MORN4: variants seen among roughly 807,000 people sequenced by gnomAD.
The protein encoded by MORN4 is MORN repeat-containing protein 4.
MORN4 carries 8 observed loss-of-function variants against 16.4 expected under a neutral mutation model. That is an observed-to-expected ratio of 0.49 (90% CI 0.29 to 0.88). The LOEUF is 0.88. Ranked by LOEUF, MORN4 falls within the 40% of genes least tolerant of loss-of-function variation. MORN4 has a pLI of 0.09. For synonymous variants in MORN4, 53 were observed against 68.9 expected (o/e 0.77, Z 1.14); for missense variants, 159 against 182.9 (o/e 0.87, Z 0.75).
At chr10:97,619,204 A>C (rs991216333) in intron 2 of MORN4, among the ~76,000 whole-genome samples, 1 of 152,284 alleles carries the variant, frequency 6.6e-6, no homozygotes, top group African/African-American at 2.4e-5. Flanking sequence ...AGGCGCCTGT[A>C]ATCCCAGCTA....
upstream of MORN4, chr10:97,633,548 C>T (rs2041416468): frequency 7.8e-7 from 1 of 1,289,886 alleles, no homozygotes; most frequent in Non-Finnish European, 1.0e-6. This position sits in a 1 kb window ranked among gnomAD's most constrained non-coding sequence, Gnocchi z 4.5. Context: ...CAACCGGGAG[C>T]AACGCCACTC....
At chr10:97,620,488 C>CAAAAAAAAAAAAAAA (rs1210683127) in intron 1 of MORN4, among the ~76,000 whole-genome samples, 2 of 41,190 alleles carry the variant, frequency 4.9e-5, no homozygotes, top group African/African-American at 2.0e-4. Context: ...GACTCTGTCT[C>CAAAAAAAAAAAAAAA]AAAAAAAAAA....
At chr10:97,629,646 G>A (rs371948948) in intron 1 of MORN4, among the ~76,000 whole-genome samples, 21 of 152,262 alleles carry the variant, frequency 1.4e-4, no homozygotes, top group African/African-American at 5.1e-4. Flanking sequence ...CTCAGCCATT[G>A]AGCCTGCATT....
intron 1 of MORN4, among the ~76,000 whole-genome samples, chr10:97,623,616 C>T (rs1047934013): frequency 6.6e-6 from 1 of 152,148 alleles, no homozygotes; most frequent in African/African-American, 2.4e-5. Context: ...TTATGTTACC[C>T]AGGCTGGACT....
chr10:97,617,337 G>A lies in MORN4; in HGVS notation c.68-15C>T. On this transcript the variant is annotated splice_polypyrimidine_tract_variant and intron_variant, in intron 2 of 4. Transcript: ENST00000307450. ...ATGCCTGCGGCCTGAACAAAGAGAA[G>A]GATAGGTGTCAGGTTGGAAGGAGGC... 6.2e-7 allele frequency: 1 copy of A among 1,610,570 alleles called. No individual in the cohort carries two copies. Among genetic ancestry groups the A allele is most frequent in the African/African-American group, 1.3e-5 (1 of 74,952 alleles).
chr10:97,621,128 A>G (rs1223193037), intron 1 of MORN4, among the ~76,000 whole-genome samples: 7 of 76,492 alleles, frequency 9.2e-5, no homozygotes, highest in African/African-American at 1.9e-4. Flanking sequence ...CTCGAGAAAT[A>G]AATAAATAAA....
intron 1 of MORN4, among the ~76,000 whole-genome samples, chr10:97,632,711 T>TTTA (rs1379635327): frequency 2.0e-5 from 3 of 151,940 alleles, no homozygotes; most frequent in Non-Finnish European, 4.4e-5. Flanking sequence ...AGATTTTTTT[T>TTTA]TTTTTTTATT....
rs1564769689 is a variant in MORN4 at position 97,633,406 on chromosome 10, C to T, written c.-90G>A. On this transcript the variant is annotated 5_prime_UTR_variant, in exon 1 of 5. Coordinates refer to ENST00000307450, the MANE Select transcript of MORN4 (RefSeq NM_178832.4). The surrounding 1 kb of genome is among the most constrained non-coding windows in gnomAD (Gnocchi z 4.5). The stretch of plus-strand genomic sequence containing the variant: ...GGACGCAGGGTTCCAGCGCCTCGGA[C>T]TTTTCCTCTGATGGGCTCCCGGCTG... 1 of 1,289,850 alleles carries T rather than the reference C, an allele frequency of 7.8e-7. No individual in the cohort carries two copies. The highest frequency in any genetic ancestry group is 1.2e-5 in the South Asian group (1 of 81,038). The allele number at this position is 1,289,850 out of a possible 1,614,324, so 79.9% of individuals were successfully genotyped here.
intron 2 of MORN4, among the ~76,000 whole-genome samples, chr10:97,618,888 G>A (rs2041263124): frequency 6.6e-6 from 1 of 151,138 alleles, no homozygotes; most frequent in Non-Finnish European, 1.5e-5. Flanking sequence ...ACCACTTAGA[G>A]TTCTGTGATC....
chr10:97,616,127 G>A lies in MORN4; in HGVS notation c.*136C>T. 1 of 854,112 alleles carries A rather than the reference G, an allele frequency of 1.2e-6. No individual in the cohort carries two copies. Among genetic ancestry groups the A allele is most frequent in the Non-Finnish European group, 1.7e-6 (1 of 587,852 alleles). 52.9% of individuals were successfully genotyped at this position (854,112 alleles called of 1,614,324 possible). On this transcript the variant is annotated 3_prime_UTR_variant, in exon 5 of 5. Transcript: ENST00000307450. ...CTGTGGTCCAGTTCTGGAATGGCAG[G>A]TGACAGGGCACATACAAGGCCTCTG...
chr10:97,619,526 T>C (rs1240894708), intron 2 of MORN4, 61 bp downstream of exon 2: 2 of 1,223,314 alleles, frequency 1.6e-6, no homozygotes, highest in East Asian at 4.6e-5. Flanking sequence ...TATATCCTGA[T>C]GTATTTGTCC....
intron 1 of MORN4, among the ~76,000 whole-genome samples, chr10:97,624,506 A>G (rs1310924359): frequency 6.6e-6 from 1 of 152,102 alleles, no homozygotes; most frequent in Non-Finnish European, 1.5e-5. Flanking sequence ...GCAGTCTCAA[A>G]CTTCTGGGCT....
intron 1 of MORN4, among the ~76,000 whole-genome samples, chr10:97,628,309 T>C (rs1285333212): frequency 1.3e-5 from 2 of 152,120 alleles, no homozygotes; most frequent in Non-Finnish European, 2.9e-5. Flanking sequence ...GTTATTGCAG[T>C]GGGATTTGAG....
At chr10:97,616,869 T>A in intron 3 of MORN4, 82 bp from the exon 4 acceptor site, 2 of 969,296 alleles carry the variant, frequency 2.1e-6, no homozygotes, top group Non-Finnish European at 3.3e-6. Context: ...TGATCTCTGT[T>A]ATTTAATGAT....
At chr10:97,628,538 C>CTT (rs746160008) in intron 1 of MORN4, among the ~76,000 whole-genome samples, 48 of 145,056 alleles carry the variant, frequency 3.3e-4, no homozygotes, top group African/African-American at 1.1e-3. Flanking sequence ...TTTTTTCTTT[C>CTT]TTTTTTTTTT....
intron 3 of MORN4, 68 bp downstream of exon 3, chr10:97,617,140 C>T (rs2041242775): frequency 1.7e-6 from 2 of 1,193,498 alleles, no homozygotes; most frequent in African/African-American, 1.5e-5. Flanking sequence ...CAGATATTTA[C>T]CAGAGTCCCA....
At chr10:97,632,479 A>G (rs1284240263) in intron 1 of MORN4, among the ~76,000 whole-genome samples, 3 of 151,902 alleles carry the variant, frequency 2.0e-5, no homozygotes, top group African/African-American at 7.3e-5. Context: ...GGCCTCCCAA[A>G]GTGTTGGGAT....
intron 1 of MORN4, among the ~76,000 whole-genome samples, chr10:97,624,324 A>G (rs1333749553): frequency 2.6e-5 from 4 of 152,306 alleles, no homozygotes; most frequent in East Asian, 3.9e-4. Flanking sequence ...CTAATAATCA[A>G]TTGCACTAAC....
rs1484693966 is a variant in MORN4 at position 97,614,635 on chromosome 10, T to C, written c.*1628A>G. 6.6e-6 allele frequency: 1 copy of C among 152,662 alleles called. No individual in the cohort carries two copies. The highest frequency in any genetic ancestry group is 1.5e-5 in the Non-Finnish European group (1 of 68,054). The allele number at this position is 152,662 out of a possible 1,614,324, so 9.5% of individuals were successfully genotyped here. On this transcript the variant is annotated 3_prime_UTR_variant, in exon 5 of 5. Transcript: ENST00000307450. ...CAGAGAATAAATAGAGGCACACGGC[T>C]ATAACTTCCACCACAATCTGCTGTT...
Sources: allele counts gnomAD v4.1 joint callset (sites outside exome capture counted in the v4.1 genomes callset), GRCh38; gene constraint gnomAD v4.1.1; non-coding constraint Gnocchi (gnomAD v3.1); transcripts MANE v1.5; gene names NCBI Gene and HGNC (gene_info 2026-07-23, HGNC 2026-07-21).